Variants in AGMO observed in about 807,000 individuals in gnomAD.
AGMO encodes the protein glyceryl-ether monooxygenase.
A neutral mutation model predicts 60.2 loss-of-function variants in AGMO; 75 were observed. The observed-to-expected ratio is 1.25, with a 90% confidence interval of 1.03 to 1.51. AGMO has a LOEUF of 1.51. Among genes scored for constraint, AGMO ranks in the 40% most tolerant of loss-of-function variants. The probability of loss-of-function intolerance (pLI) is 0.00; values close to 1 mark genes in which losing one functional copy is unlikely to be tolerated. For missense variants in AGMO, 763 were observed against 525.5 expected (o/e 1.45, Z -4.42); for synonymous variants, 261 against 177.1 (o/e 1.47, Z -3.76).
chr7:15,282,209 C>T, intron 12 of AGMO, among the ~76,000 whole-genome samples: 1 of 151,962 alleles, frequency 6.6e-6, no homozygotes, highest in East Asian at 1.9e-4. Context: ...AGCTTTTGAG[C>T]AATGGATCCA....
intron 12 of AGMO, among the ~76,000 whole-genome samples, chr7:15,243,465 T>G (rs1318104115): frequency 6.6e-6 from 1 of 152,128 alleles, no homozygotes; most frequent in South Asian, 2.1e-4. Flanking sequence ...GTTTGGGAAT[T>G]GGAAGAATCT....
At chr7:15,359,240 G>C (rs1782656474) in intron 12 of AGMO, among the ~76,000 whole-genome samples, 2 of 142,530 alleles carry the variant, frequency 1.4e-5, no homozygotes, top group African/African-American at 2.6e-5. Flanking sequence ...AGTGAGCCGA[G>C]ATCACGCCAC....
At chr7:15,557,140 C>CA (rs562461065) in intron 2 of AGMO, among the ~76,000 whole-genome samples, 42 of 150,552 alleles carry the variant, frequency 2.8e-4, no homozygotes, top group African/African-American at 6.8e-4. Flanking sequence ...TTAAGATCCT[C>CA]AAAAAAAAAC....
chr7:15,182,709 G>T, the AGMO span, among the ~76,000 whole-genome samples: 4 of 152,210 alleles, frequency 2.6e-5, no homozygotes, highest in South Asian at 2.1e-4. Flanking sequence ...GAGCCACTGT[G>T]CCTAGCCTCA....
intron 12 of AGMO, among the ~76,000 whole-genome samples, chr7:15,269,853 C>G (rs926044646): frequency 1.3e-5 from 2 of 151,976 alleles, no homozygotes; most frequent in Admixed American, 6.6e-5. Flanking sequence ...TAAATGAGAA[C>G]ATGTGGTATT....
chr7:15,194,049 C>T, the AGMO span, among the ~76,000 whole-genome samples: 1 of 152,168 alleles, frequency 6.6e-6, no homozygotes, highest in East Asian at 1.9e-4. Context: ...AGAAAGAACA[C>T]TGCTTTGTAT....
At chr7:15,383,824 T>TAAAA (rs1300040353) in intron 10 of AGMO, among the ~76,000 whole-genome samples, 8 of 152,206 alleles carry the variant, frequency 5.3e-5, no homozygotes, top group African/African-American at 1.9e-4. Context: ...TTTTTCTTTT[T>TAAAA]AGGCTTTTTC....
rs1010139999 is a variant in AGMO at position 15,426,508 on chromosome 7, G to T, written c.513+4497C>A. On this transcript the variant is annotated intron_variant, in intron 4 of 12. Transcript: ENST00000342526. ...TCATGCTTATAATCCCACCACTTTGGGGGGCTGAGGCAGGCGGATCACTTG... is the reference window on the plus strand; with the variant it reads ...TCATGCTTATAATCCCACCACTTTGTGGGGCTGAGGCAGGCGGATCACTTG... Among the ~76,000 whole-genome samples the T allele has an allele frequency of 6.6e-5, 10 of 152,186 alleles. No homozygotes were observed. In the South Asian group the frequency reaches 8.3e-4, roughly 13 times the overall value.
intron 3 of AGMO, among the ~76,000 whole-genome samples, chr7:15,520,916 T>G (rs1257760333): frequency 6.6e-6 from 1 of 152,092 alleles, no homozygotes; most frequent in Non-Finnish European, 1.5e-5. Flanking sequence ...AAGAGCAGAT[T>G]TTTTGAAAAG....
At chr7:15,192,596 G>C in the AGMO span, among the ~76,000 whole-genome samples, 1 of 152,050 alleles carries the variant, frequency 6.6e-6, no homozygotes, top group Non-Finnish European at 1.5e-5. Context: ...AAAGGTCCAG[G>C]TACCAAGAGC....
At chr7:15,427,882 A>C (rs1407751332) in intron 4 of AGMO, among the ~76,000 whole-genome samples, 1 of 152,144 alleles carries the variant, frequency 6.6e-6, no homozygotes, top group Non-Finnish European at 1.5e-5. Flanking sequence ...TTGGCTTAAA[A>C]TGCAAATAAT....
intron 12 of AGMO, among the ~76,000 whole-genome samples, chr7:15,354,365 T>TAC (rs1403619495): frequency 1.2e-5 from 1 of 81,514 alleles, no homozygotes; most frequent in Non-Finnish European, 2.2e-5. Flanking sequence ...GACGTGTGTA[T>TAC]ATAGACGTGT....
At chr7:15,289,482 G>C (rs1784194080) in intron 12 of AGMO, among the ~76,000 whole-genome samples, 1 of 151,970 alleles carries the variant, frequency 6.6e-6, no homozygotes, top group South Asian at 2.1e-4. Flanking sequence ...AATGACTCTG[G>C]TTTAGCCATT....
intron 3 of AGMO, among the ~76,000 whole-genome samples, chr7:15,499,442 T>G (rs1389819131): frequency 6.6e-6 from 1 of 151,846 alleles, no homozygotes; most frequent in Admixed American, 6.6e-5. Context: ...GTTTATATGC[T>G]ATTAAAATTT....
intron 3 of AGMO, among the ~76,000 whole-genome samples, chr7:15,434,175 G>A (rs1781334273): frequency 6.6e-6 from 1 of 151,994 alleles, no homozygotes; most frequent in Non-Finnish European, 1.5e-5. Flanking sequence ...ACTTTGAACT[G>A]ATAATGCAGT....
At chr7:15,313,092 C>G (rs1780816365) in intron 12 of AGMO, among the ~76,000 whole-genome samples, 2 of 152,148 alleles carry the variant, frequency 1.3e-5, no homozygotes. Flanking sequence ...TGGGAACATT[C>G]ACTGTGAAAC....
At chr7:15,225,094 A>G (rs191101190) in intron 12 of AGMO, among the ~76,000 whole-genome samples, 300 of 151,914 alleles carry the variant, frequency 2.0e-3, no homozygotes, top group Non-Finnish European at 3.6e-3. Flanking sequence ...CTTTCTTTTT[A>G]AAATTTAGTT....
Position 15,252,598 on chromosome 7 carries a change from G to C in AGMO, c.1264-51239C>G, listed in dbSNP as rs576620037. Reference sequence around the variant, plus strand: ...ATGACACTGAACACCACGTGAGCTAGGAAATAGATCCATCCCCAGTCAAGC... The same window carrying C: ...ATGACACTGAACACCACGTGAGCTACGAAATAGATCCATCCCCAGTCAAGC... On this transcript the variant is annotated intron_variant, in intron 12 of 12. Coordinates refer to ENST00000342526, the MANE Select transcript of AGMO (RefSeq NM_001004320.2). 1.1e-4 allele frequency among the ~76,000 whole-genome samples: 17 copies of C among 152,340 alleles called. 1 individual carries two copies. In the South Asian group the frequency reaches 3.5e-3, roughly 32 times the overall value.
At chr7:15,142,946 A>C in the AGMO span, among the ~76,000 whole-genome samples, 3 of 152,234 alleles carry the variant, frequency 2.0e-5, no homozygotes, top group Admixed American at 2.0e-4. Context: ...TCCATATTAC[A>C]AATGAGATAC....
Sources: gnomAD v4.1 joint callset for allele counts (sites outside exome capture counted in the v4.1 genomes callset) on GRCh38, gnomAD v4.1.1 for gene constraint, MANE v1.5 for transcripts, NCBI Gene and HGNC (gene_info 2026-07-23, HGNC 2026-07-21) for gene names.